Variants in SPATA16 observed in about 807,000 individuals in gnomAD.
SPATA16 encodes the protein spermatogenesis-associated protein 16.
In SPATA16, 36 loss-of-function variants were observed where a neutral mutation model predicts 63.3. The ratio of observed to expected loss-of-function variants is 0.57; its 90% confidence interval spans 0.44 to 0.75. The LOEUF is 0.75. Among genes scored for constraint, SPATA16 ranks in the 30% least tolerant of loss-of-function variants. The pLI is 0.00. For synonymous variants in SPATA16, 203 were observed against 216.7 expected (o/e 0.94, Z 0.56); for missense variants, 646 against 679.3 (o/e 0.95, Z 0.54).
intron 10 of SPATA16, among the ~76,000 whole-genome samples, chr3:172,906,197 C>T (rs1276504197): frequency 6.6e-6 from 1 of 152,024 alleles, no homozygotes; most frequent in African/African-American, 2.4e-5. Flanking sequence ...CTTAAAACTC[C>T]AAGGGACCTT....
chr3:172,969,884 G>GGT (rs1448524623), intron 5 of SPATA16, among the ~76,000 whole-genome samples: 1 of 152,146 alleles, frequency 6.6e-6, no homozygotes, highest in Non-Finnish European at 1.5e-5. Context: ...TTCTCTCTTG[G>GGT]AATCCTGCAT....
At chr3:173,010,715 C>G (rs1735051991) in intron 4 of SPATA16, among the ~76,000 whole-genome samples, 1 of 152,100 alleles carries the variant, frequency 6.6e-6, no homozygotes, top group Non-Finnish European at 1.5e-5. Flanking sequence ...CCCACCCAGC[C>G]CCGGCCTGAG....
In SPATA16 at chr3:172,925,465, T is replaced by A. The variant is rs764981532; in HGVS notation, c.1109A>T (p.Gln370Leu). 5 of 1,613,936 alleles carry A rather than the reference T, an allele frequency of 3.1e-6. No homozygotes were observed. In the Admixed American group the frequency reaches 8.3e-5, roughly 27 times the overall value. Reference protein sequence around the residue: ...TDLQALHMLPQTVDWSSFPPQ... With the variant: ...TDLQALHMLPLTVDWSSFPPQ... ...AGGAAAAGATGACCAGTCAACTGTC[T>A]GAGGCAACATGTGGAGTGCTTGAAG... The change falls in exon 7 of 11, where the codon CAG (glutamine) becomes CTG (leucine). Residue 370 changes from glutamine to leucine, a missense_variant. Coordinates refer to ENST00000351008, the MANE Select transcript of SPATA16 (RefSeq NM_031955.6).
Position 172,913,748 on chromosome 3 carries a change from T to C in SPATA16, c.1504-4A>G, listed in dbSNP as rs1391687345. The C allele has an allele frequency of 1.9e-6, 3 of 1,612,898 alleles. No homozygotes were observed. Among genetic ancestry groups the C allele is most frequent in the Non-Finnish European group, 2.5e-6 (3 of 1,179,244 alleles). Reference sequence around the variant, plus strand: ...CATCTGCCATTAGTGACTGCAGCTGTGGCACCAAGATAAAAATTATCAGTG... The same window carrying C: ...CATCTGCCATTAGTGACTGCAGCTGCGGCACCAAGATAAAAATTATCAGTG... On this transcript the variant is annotated splice_polypyrimidine_tract_variant and splice_region_variant and intron_variant, in intron 9 of 10. Transcript: ENST00000351008.
intron 10 of SPATA16, among the ~76,000 whole-genome samples, chr3:172,902,607 A>G (rs1732147217): frequency 6.6e-6 from 1 of 152,162 alleles, no homozygotes; most frequent in Admixed American, 6.5e-5. Flanking sequence ...AAGCCTTTCA[A>G]ATTTCTTGTA....
At chr3:173,050,198 G>T (rs990184552) in intron 2 of SPATA16, among the ~76,000 whole-genome samples, 1 of 152,018 alleles carries the variant, frequency 6.6e-6, no homozygotes, top group Non-Finnish European at 1.5e-5. Flanking sequence ...TTTGTTATTT[G>T]AATGTGGCTA....
chr3:172,937,028 A>T (rs1054350741), intron 6 of SPATA16, among the ~76,000 whole-genome samples: 1 of 152,202 alleles, frequency 6.6e-6, no homozygotes, highest in Non-Finnish European at 1.5e-5. Context: ...TATGGGACTG[A>T]GCCTTTAACC....
At chr3:173,133,428 A>C (rs111774562) in intron 1 of SPATA16, among the ~76,000 whole-genome samples, 4,000 of 152,196 alleles carry the variant, frequency 0.026, 61 homozygotes, top group Middle Eastern at 0.051. Context: ...TCTTTTGCCA[A>C]ATTTCTTCAT....
At chr3:173,007,062 C>G (rs185180932) in intron 4 of SPATA16, among the ~76,000 whole-genome samples, 1 of 152,172 alleles carries the variant, frequency 6.6e-6, no homozygotes, top group East Asian at 1.9e-4. Context: ...GTACACTCAT[C>G]CAGAGAGCAG....
At chr3:172,932,369 C>G (rs1207899290) in intron 6 of SPATA16, among the ~76,000 whole-genome samples, 1 of 152,086 alleles carries the variant, frequency 6.6e-6, no homozygotes, top group Non-Finnish European at 1.5e-5. Flanking sequence ...GAACTTTGTC[C>G]ATAACAAAAT....
At chr3:173,118,238 A>G (rs1021657151) in intron 1 of SPATA16, among the ~76,000 whole-genome samples, 1 of 152,226 alleles carries the variant, frequency 6.6e-6, no homozygotes, top group Non-Finnish European at 1.5e-5. Context: ...TGTGAGCACA[A>G]TCTTTCCTAA....
At chr3:172,979,069 C>T (rs1384017971) in intron 4 of SPATA16, among the ~76,000 whole-genome samples, 1 of 152,088 alleles carries the variant, frequency 6.6e-6, no homozygotes, top group Non-Finnish European at 1.5e-5. Flanking sequence ...AACCCCATCT[C>T]TACTAAAAAT....
intron 4 of SPATA16, among the ~76,000 whole-genome samples, chr3:172,991,331 A>G (rs1390029255): frequency 1.3e-5 from 2 of 152,310 alleles, no homozygotes; most frequent in Middle Eastern, 3.4e-3. Context: ...AAGCTCTTCA[A>G]GGGCAGAAAT....
At position 172,889,426 on chromosome 3, in the gene SPATA16, A is replaced by G; in HGVS notation, c.*144T>C. ...TAATGAAACATAGAGTGTCTTTGGT[A>G]AAGATGAACTGAGGGGAATACCACC... is the stretch of plus-strand genomic sequence containing the variant. On this transcript the variant is annotated 3_prime_UTR_variant, in exon 11 of 11. Coordinates refer to ENST00000351008, the MANE Select transcript of SPATA16 (RefSeq NM_031955.6). 1 of 1,145,628 alleles carries G rather than the reference A, an allele frequency of 8.7e-7. No individual in the cohort carries two copies. Among genetic ancestry groups the G allele is most frequent in the Non-Finnish European group, 1.3e-6 (1 of 778,862 alleles). The allele number at this position is 1,145,628 out of a possible 1,614,324, so 71.0% of individuals were successfully genotyped here. A position where few individuals can be genotyped will look rare whatever the true frequency, so the allele number is the denominator to read the frequency against.
chr3:173,123,006 A>G (rs528755834), intron 1 of SPATA16, among the ~76,000 whole-genome samples: 2 of 152,294 alleles, frequency 1.3e-5, no homozygotes, highest in African/African-American at 4.8e-5. Flanking sequence ...CAATTTCAAG[A>G]TATTTGGGAA....
At chr3:172,939,144 A>C (rs1733084927) in intron 6 of SPATA16, among the ~76,000 whole-genome samples, 1 of 152,158 alleles carries the variant, frequency 6.6e-6, no homozygotes, top group African/African-American at 2.4e-5. Context: ...TTTGCTTATA[A>C]CTTCTGCCTT....
At chr3:172,986,903 A>G (rs533501546) in intron 4 of SPATA16, among the ~76,000 whole-genome samples, 2 of 152,258 alleles carry the variant, frequency 1.3e-5, no homozygotes, top group African/African-American at 4.8e-5. Flanking sequence ...CAGTGACTAT[A>G]AGAAAATAGG....
chr3:173,114,111 C>T (rs913818221), intron 2 of SPATA16, among the ~76,000 whole-genome samples: 11 of 139,364 alleles, frequency 7.9e-5, no homozygotes, highest in African/African-American at 2.4e-4. Flanking sequence ...ACCTGGGAGG[C>T]GGAGGTTGCA....
In SPATA16 at chr3:173,019,511, G is replaced by C; in HGVS notation, c.823C>G (p.Leu275Val). The C allele has an allele frequency of 6.2e-7, 1 of 1,614,032 alleles. No homozygotes were observed. ...HLRQATVFRC[L>V]ERYSEAARSA... is the part of the protein sequence containing the mutation. Reference sequence around the variant, plus strand: ...CGGGCAGCCTCTGAATACCTCTCCAGACATCTAAACACTGTTGCTTGACGA... The same window carrying C: ...CGGGCAGCCTCTGAATACCTCTCCACACATCTAAACACTGTTGCTTGACGA... The change falls in exon 4 of 11, where the codon CTG (leucine) becomes GTG (valine). Residue 275 changes from leucine to valine, a missense_variant. Transcript: ENST00000351008.
Sources: gnomAD v4.1 joint callset for allele counts (sites outside exome capture counted in the v4.1 genomes callset) on GRCh38, gnomAD v4.1.1 for gene constraint, MANE v1.5 for transcripts, NCBI Gene and HGNC (gene_info 2026-07-23, HGNC 2026-07-21) for gene names.